TNC: variants seen among roughly 807,000 people sequenced by gnomAD.
TNC encodes the protein tenascin.
TNC carries 109 observed loss-of-function variants against 202.4 expected under a neutral mutation model. The observed-to-expected ratio is 0.54, with a 90% CI of 0.46 to 0.63. TNC has a LOEUF of 0.63. TNC is among the 30% of genes least tolerant of loss of function. The pLI, the probability that TNC is intolerant of heterozygous loss-of-function variation, is 0.00. For synonymous variants in TNC, 1,007 were observed against 1,089.7 expected (o/e 0.92, Z 1.50); for missense variants, 2,756 against 2,833.3 (o/e 0.97, Z 0.62).
intron 1 of TNC, among the ~76,000 whole-genome samples, chr9:115,094,450 C>A (rs924452538): frequency 6.6e-6 from 1 of 152,170 alleles, no homozygotes; most frequent in Non-Finnish European, 1.5e-5. Flanking sequence ...TATTCTCATG[C>A]AGACAACTGG....
chr9:115,086,354 G>A lies in TNC; in HGVS notation c.1377C>T (p.Gly459=). 6.2e-7 allele frequency: 1 copy of A among 1,614,102 alleles called. No individual in the cohort carries two copies. Among genetic ancestry groups the A allele is most frequent in the Non-Finnish European group, 8.5e-7 (1 of 1,179,990 alleles). Residue 459 remains glycine, a synonymous_variant, in exon 3 of 28, where the codon GGC becomes GGT. Transcript: ENST00000350763. ...TGTCACTGCAGTCATAGCCCTTGAA[G>A]CCTTGCTCACATACACATTTGCCCT... ...CVEGKCVCEQ[G]FKGYDCSDMS...
chr9:115,104,039 A>G (rs79886421), intron 1 of TNC, among the ~76,000 whole-genome samples: 2,950 of 152,334 alleles, frequency 0.019, 98 homozygotes, highest in African/African-American at 0.068. Context: ...AAAACTGCAG[A>G]GCACTTGCTT....
chr9:115,084,616 C>T (rs960834334), intron 3 of TNC, 144 bp from the exon 4 acceptor site: 4 of 992,666 alleles, frequency 4.0e-6, no homozygotes, highest in Non-Finnish European at 5.8e-6. Flanking sequence ...GCATCAGGGA[C>T]CCCCTGCTGT....
chr9:115,083,191 T>A (rs1234844375), intron 4 of TNC, among the ~76,000 whole-genome samples: 9 of 152,120 alleles, frequency 5.9e-5, no homozygotes, highest in Non-Finnish European at 5.9e-5. Flanking sequence ...GGGAATGCAT[T>A]GAGGAGTGAG....
intron 17 of TNC, among the ~76,000 whole-genome samples, chr9:115,043,150 A>G (rs190803613): frequency 6.0e-4 from 92 of 152,178 alleles, no homozygotes; most frequent in African/African-American, 2.0e-3. Flanking sequence ...TCAGCTAACC[A>G]TGCCTACCCA....
intron 20 of TNC, 64 bp downstream of exon 20, chr9:115,038,197 T>C (rs1830473425): frequency 6.4e-7 from 1 of 1,565,304 alleles, no homozygotes; most frequent in East Asian, 2.3e-5. Flanking sequence ...GAAGAGCGAA[T>C]GGGAAGAGTT....
chr9:115,031,382 A>T (rs1209371330), intron 23 of TNC, among the ~76,000 whole-genome samples, 171 bp downstream of exon 23: 2 of 152,226 alleles, frequency 1.3e-5, no homozygotes, highest in Admixed American at 1.3e-4. Flanking sequence ...TTTCACCGGG[A>T]TGCTCATAAT....
At chr9:115,045,667 C>A (rs1831129765) in intron 17 of TNC, among the ~76,000 whole-genome samples, 1 of 149,582 alleles carries the variant, frequency 6.7e-6, no homozygotes, top group Non-Finnish European at 1.5e-5. Flanking sequence ...CAGGTGTGAG[C>A]CATCACTCTG....
intron 27 of TNC, among the ~76,000 whole-genome samples, chr9:115,023,037 CAA>C (rs112725157): frequency 9.8e-5 from 12 of 122,128 alleles, no homozygotes; most frequent in African/African-American, 1.5e-4. Context: ...TGCAAATATG[CAA>C]AAAAAAAAAA....
In TNC at chr9:115,082,749, C is replaced by T. The variant is rs1231653786; in HGVS notation, c.2190G>A (p.Val730=). ...FKSIKETSVE[V]EWDPLDIAFE... The stretch of plus-strand genomic sequence containing the variant: ...AAGCAATGTCTAGAGGATCCCACTC[C>T]ACTTCCACAGATGTCTCCTTGATGG... Residue 730 remains valine (V), a synonymous_variant, in exon 5 of 28, where the codon GTG becomes GTA. Transcript: ENST00000350763. The T allele has an allele frequency of 6.2e-7, 1 of 1,614,064 alleles. No homozygotes were observed. The highest frequency in any genetic ancestry group is 2.2e-5 in the East Asian group (1 of 44,888).
rs1459681246 is a variant in TNC, at chr9:115,077,879, G to A, written c.2674+64C>T. On this transcript the variant is annotated intron_variant, in intron 7 of 27. Transcript: ENST00000350763. Reference sequence around the variant, plus strand: ...TGAGCCTGGAAGATACCCCAACATGGAGTGGGATGGAAATCTTTCAATCTT... The same window carrying A: ...TGAGCCTGGAAGATACCCCAACATGAAGTGGGATGGAAATCTTTCAATCTT... 2.0e-6 allele frequency: 3 copies of A among 1,524,602 alleles called. No homozygotes were observed. In the East Asian group the frequency reaches 6.8e-5, roughly 35 times the overall value. 94.4% of individuals were successfully genotyped at this position (1,524,602 alleles called of 1,614,324 possible).
chr9:115,070,640 C>G (rs1386164694), intron 10 of TNC, among the ~76,000 whole-genome samples: 1 of 152,204 alleles, frequency 6.6e-6, no homozygotes, highest in Non-Finnish European at 1.5e-5. Flanking sequence ...AGGAAAAATT[C>G]TTCAGGGCCA....
intron 18 of TNC, among the ~76,000 whole-genome samples, chr9:115,041,918 C>T (rs185960015): frequency 7.2e-5 from 11 of 152,216 alleles, no homozygotes; most frequent in Admixed American, 6.5e-4. Context: ...GAGAGAAATG[C>T]CAATATATTT....
intron 5 of TNC, among the ~76,000 whole-genome samples, chr9:115,082,394 G>C (rs1834370777): frequency 6.6e-6 from 1 of 152,144 alleles, no homozygotes; most frequent in Non-Finnish European, 1.5e-5. Context: ...GGGAGAGACT[G>C]TTTCTTCTCT....
intron 2 of TNC, among the ~76,000 whole-genome samples, chr9:115,088,742 T>C (rs540945008): frequency 3.7e-4 from 56 of 152,062 alleles, no homozygotes; most frequent in African/African-American, 1.2e-3. Context: ...AAGTATGTAC[T>C]ATCTAGTATG....
chr9:115,076,470 T>C lies in TNC; in HGVS notation c.2780A>G (p.Tyr927Cys). ...KAAIDSYRIK[Y>C]APISGGDHAE... Reference sequence around the variant, plus strand: ...GTGGTCCCCTCCAGAGATGGGGGCATACTTAATTCTGTAACTGTCAATAGC... The same window carrying C: ...GTGGTCCCCTCCAGAGATGGGGGCACACTTAATTCTGTAACTGTCAATAGC... The change falls in exon 8 of 28, where the codon TAT becomes TGT. Residue 927 changes from tyrosine (Y) to cysteine (C), a missense_variant. This residue lies in a region of TNC where 2,559 missense variants were observed against 2,546.0 expected (regional missense o/e 1.01). Transcript: ENST00000350763. 1 of 1,614,200 alleles carries C rather than the reference T, an allele frequency of 6.2e-7. No homozygotes were observed.
At position 115,026,593 on chromosome 9, in the gene TNC, C is replaced by T; in HGVS notation, c.6272G>A (p.Ser2091Asn). The T allele has an allele frequency of 6.2e-7, 1 of 1,614,068 alleles. No homozygotes were observed. Among genetic ancestry groups the T allele is most frequent in the Non-Finnish European group, 8.5e-7 (1 of 1,179,998 alleles). Residue 2091 changes from serine to asparagine, a missense_variant, in exon 26 of 28, where the codon AGC becomes AAC. Ser to Asn is a conservative substitution (Grantham distance 46). Around this residue, in one of 2 missense-constraint regions of TNC, gnomAD observed 197 missense variants for 287.3 expected, o/e 0.69. Transcript: ENST00000350763. ...GTAGCGAGTCTTGGCATCTCCCACGCTGAACTTGTCATAGACAGCAAAGGC... is the reference window on the plus strand; with the variant it reads ...GTAGCGAGTCTTGGCATCTCCCACGTTGAACTTGTCATAGACAGCAAAGGC... ...ETAFAVYDKF[S>N]VGDAKTRYKL...
At chr9:115,117,374 C>T (rs1268649039) in intron 1 of TNC, among the ~76,000 whole-genome samples, 1 of 152,170 alleles carries the variant, frequency 6.6e-6, no homozygotes, top group Non-Finnish European at 1.5e-5. Flanking sequence ...TAAAGCTGTT[C>T]TCCACCACTC....
chr9:115,048,458 A>G lies in TNC; in HGVS notation c.4654T>C (p.Ser1552Pro). ...PYGFTVSWMASENAFDSFLVT... is the reference protein window; with the variant it reads ...PYGFTVSWMAPENAFDSFLVT... ...AGAAAGCTGTCAAAGGCATTCTCCG[A>G]TGCCATCCAGGAAACTGTGAACCCG... is the stretch of plus-strand genomic sequence containing the variant. Residue 1552 changes from serine (S) to proline (P), a missense_variant, in exon 16 of 28, where the codon TCG (serine) becomes CCG (proline). Physicochemically the swap from Ser to Pro is moderately conservative, Grantham distance 74 (BLOSUM62 -1). This residue lies in a region of TNC where 2,559 missense variants were observed against 2,546.0 expected (regional missense o/e 1.01). Transcript: ENST00000350763. 1 of 1,614,042 alleles carries G rather than the reference A, an allele frequency of 6.2e-7. No homozygotes were observed. Among genetic ancestry groups the G allele is most frequent in the South Asian group, 1.1e-5 (1 of 91,082 alleles).
Sources: gnomAD v4.1 joint callset for allele counts (sites outside exome capture counted in the v4.1 genomes callset) on GRCh38, gnomAD v4.1.1 for gene constraint, gnomAD v4.1.1 regional missense constraint, MANE v1.5 for transcripts, NCBI Gene and HGNC (gene_info 2026-07-23, HGNC 2026-07-21) for gene names.